Variants in POFUT3 observed in about 807,000 individuals in gnomAD.
The protein encoded by POFUT3 is GDP-fucose protein O-fucosyltransferase 3.
the POFUT3 span, among the ~76,000 whole-genome samples, chr8:33,323,153 G>A: frequency 6.6e-6 from 1 of 152,264 alleles, no homozygotes; most frequent in East Asian, 1.9e-4. Context: ...GGTGGCTTGA[G>A]CTGGAATTTG....
At chr8:33,398,499 G>A in the POFUT3 span, among the ~76,000 whole-genome samples, 4 of 152,060 alleles carry the variant, frequency 2.6e-5, no homozygotes, top group African/African-American at 9.7e-5. Flanking sequence ...TACACTGAGC[G>A]AAAATCTGCC....
the POFUT3 span, among the ~76,000 whole-genome samples, chr8:33,314,906 T>C: frequency 1.3e-5 from 2 of 152,198 alleles, no homozygotes; most frequent in African/African-American, 2.4e-5. Context: ...AGGGCTCCTA[T>C]TGAAAATGCA....
chr8:33,314,069 C>G, the POFUT3 span, among the ~76,000 whole-genome samples: 1 of 152,128 alleles, frequency 6.6e-6, no homozygotes, highest in Non-Finnish European at 1.5e-5. Flanking sequence ...TGATTAACAC[C>G]ATCCCAATCT....
At chr8:33,409,302 C>A in the POFUT3 span, among the ~76,000 whole-genome samples, 4 of 152,060 alleles carry the variant, frequency 2.6e-5, no homozygotes, top group Non-Finnish European at 5.9e-5. Context: ...GGGGTTTCGC[C>A]ATGTTGGCCA....
chr8:33,447,540 G>A, the POFUT3 span, among the ~76,000 whole-genome samples: 1 of 152,092 alleles, frequency 6.6e-6, no homozygotes, highest in Non-Finnish European at 1.5e-5. Context: ...CTAGAGAATT[G>A]TTAATGTAGC....
the POFUT3 span, among the ~76,000 whole-genome samples, chr8:33,465,765 T>G: frequency 6.6e-6 from 1 of 152,094 alleles, no homozygotes; most frequent in Non-Finnish European, 1.5e-5. Flanking sequence ...TATGAGCCAC[T>G]GCACCCGGCC....
At chr8:33,374,878 C>CTTT in the POFUT3 span, among the ~76,000 whole-genome samples, 1 of 141,594 alleles carries the variant, frequency 7.1e-6, no homozygotes, top group Non-Finnish European at 1.5e-5. Context: ...CTTTTCTTTT[C>CTTT]TTTTTTTTTT....
At chr8:33,379,948 T>C in the POFUT3 span, among the ~76,000 whole-genome samples, 1 of 109,924 alleles carries the variant, frequency 9.1e-6, no homozygotes, top group Admixed American at 1.1e-4. Context: ...ATATATACCC[T>C]ATATATACTA....
At chr8:33,433,967 T>TAA in the POFUT3 span, among the ~76,000 whole-genome samples, 5 of 130,906 alleles carry the variant, frequency 3.8e-5, no homozygotes, top group Non-Finnish European at 4.9e-5. Context: ...GACACTGTCA[T>TAA]AAAAAAAAAA....
chr8:33,358,996 T>C, the POFUT3 span, among the ~76,000 whole-genome samples: 4 of 152,196 alleles, frequency 2.6e-5, no homozygotes, highest in East Asian at 7.7e-4. Context: ...TCTAGAACTA[T>C]GGAAAATAAG....
the POFUT3 span, among the ~76,000 whole-genome samples, chr8:33,331,738 C>T: frequency 2.0e-5 from 3 of 152,044 alleles, no homozygotes; most frequent in Non-Finnish European, 2.9e-5. Context: ...TGCAGTGGCG[C>T]GATCTCGGCT....
the POFUT3 span, among the ~76,000 whole-genome samples, chr8:33,364,324 G>T: frequency 5.3e-5 from 8 of 152,138 alleles, no homozygotes; most frequent in Non-Finnish European, 1.0e-4. Flanking sequence ...CATACTGAAT[G>T]GGCAAAAACT....
At chr8:33,414,600 A>G in the POFUT3 span, among the ~76,000 whole-genome samples, 1 of 151,882 alleles carries the variant, frequency 6.6e-6, no homozygotes, top group Non-Finnish European at 1.5e-5. Context: ...TTTTCCCCCT[A>G]TTAATCTGTC....
chr8:33,389,478 C>A, the POFUT3 span: 112 of 1,614,204 alleles, frequency 6.9e-5, no homozygotes, highest in Middle Eastern at 4.9e-4. Context: ...GTCATCAGCT[C>A]GCGAACATAG....
chr8:33,326,304 A>G, the POFUT3 span, among the ~76,000 whole-genome samples: 3 of 152,142 alleles, frequency 2.0e-5, no homozygotes, highest in Non-Finnish European at 4.4e-5. Context: ...GGGCTCCAGC[A>G]TGGCCCTCCA....
the POFUT3 span, among the ~76,000 whole-genome samples, chr8:33,376,261 G>T: frequency 1.3e-5 from 2 of 151,970 alleles, no homozygotes; most frequent in Admixed American, 6.6e-5. Context: ...TATGTGTCAG[G>T]TTTATAATGA....
chr8:33,336,592 G>C, the POFUT3 span, among the ~76,000 whole-genome samples: 2 of 152,106 alleles, frequency 1.3e-5, no homozygotes, highest in Non-Finnish European at 2.9e-5. Context: ...GGGAGGTTTG[G>C]AGATAACATA....
At chr8:33,346,755 A>T in the POFUT3 span, among the ~76,000 whole-genome samples, 2 of 152,174 alleles carry the variant, frequency 1.3e-5, no homozygotes, top group African/African-American at 4.8e-5. Flanking sequence ...GAAAGACATG[A>T]GCCCCCAGGA....
chr8:33,438,798 G>T, the POFUT3 span, among the ~76,000 whole-genome samples: 1 of 152,150 alleles, frequency 6.6e-6, no homozygotes, highest in Non-Finnish European at 1.5e-5. Flanking sequence ...CCGAGCGAAA[G>T]GGGAAGCAGA....
Sources: allele counts gnomAD v4.1 joint callset (sites outside exome capture counted in the v4.1 genomes callset), GRCh38; gene constraint gnomAD v4.1.1; transcripts MANE v1.5; gene names NCBI Gene and HGNC (gene_info 2026-07-23, HGNC 2026-07-21).